RPA3: variants seen among roughly 807,000 people sequenced by gnomAD.
The protein encoded by RPA3 is replication protein A3.
RPA3 carries 24 observed loss-of-function variants against 13.7 expected under a neutral mutation model. The ratio of observed to expected loss-of-function variants is 1.75; its 90% CI spans 1.27 to 2.46. The LOEUF (loss-of-function observed/expected upper bound fraction) is 2.46. RPA3 is among the 30% of genes most tolerant of loss of function. The probability of loss-of-function intolerance (pLI) is 0.00; values close to 1 mark genes in which losing one functional copy is unlikely to be tolerated. For synonymous variants in RPA3, 59 were observed against 51.2 expected (o/e 1.15, Z -0.65); for missense variants, 183 against 151.0 (o/e 1.21, Z -1.11).
chr7:7,674,470 C>T (rs981192803), intron 4 of RPA3, among the ~76,000 whole-genome samples: 1 of 152,178 alleles, frequency 6.6e-6, no homozygotes, highest in Non-Finnish European at 1.5e-5. Context: ...CATGTTCTGG[C>T]AGGCCTGTTG....
chr7:7,651,990 C>A (rs1315106979), intron 4 of RPA3, among the ~76,000 whole-genome samples: 1 of 152,118 alleles, frequency 6.6e-6, no homozygotes, highest in African/African-American at 2.4e-5. Context: ...GCTGTGACTT[C>A]TGAATGGAAG....
chr7:7,689,947 A>G (rs1780135566), intron 2 of RPA3, among the ~76,000 whole-genome samples: 1 of 152,204 alleles, frequency 6.6e-6, no homozygotes, highest in Non-Finnish European at 1.5e-5. Context: ...TTTGCTACTT[A>G]TATATAGGTG....
Position 7,677,696 on chromosome 7 carries a change from C to T in RPA3, c.-758+8134G>A, listed in dbSNP as rs1457488410. 1.9e-4 allele frequency among the ~76,000 whole-genome samples: 20 copies of T among 104,204 alleles called. No homozygotes were observed. The South Asian group carries it at 2.9e-3, about 15-fold the overall frequency. 68.4% of individuals were successfully genotyped at this position (104,204 alleles called of 152,430 possible). On this transcript the variant is annotated intron_variant, in intron 4 of 7. Transcript: ENST00000223129. ...TTTTTTTTTTTTTTTTTTTTTGAGACGGAGTCTCGCTCTGTCGCCCAGGCT... is the reference window on the plus strand; with the variant it reads ...TTTTTTTTTTTTTTTTTTTTTGAGATGGAGTCTCGCTCTGTCGCCCAGGCT...
chr7:7,655,962 A>G (rs1169118068), intron 4 of RPA3, among the ~76,000 whole-genome samples: 2 of 151,912 alleles, frequency 1.3e-5, no homozygotes, highest in African/African-American at 2.4e-5. Flanking sequence ...CAGCCTTCCG[A>G]GTAGCTGGGA....
intron 1 of RPA3, among the ~76,000 whole-genome samples, chr7:7,716,906 G>A (rs1583769646): frequency 6.6e-6 from 1 of 152,038 alleles, no homozygotes; most frequent in Non-Finnish European, 1.5e-5. Flanking sequence ...GGCACACCTG[G>A]TCTGATCAAT....
At chr7:7,709,018 A>G (rs1192440896) in intron 2 of RPA3, among the ~76,000 whole-genome samples, 1 of 152,058 alleles carries the variant, frequency 6.6e-6, no homozygotes, top group Non-Finnish European at 1.5e-5. Flanking sequence ...AGGAGAAGAC[A>G]GAAGAGGAAA....
intron 1 of RPA3, among the ~76,000 whole-genome samples, chr7:7,717,060 C>CTTTTTTTTT (rs766644906): frequency 7.1e-6 from 1 of 141,604 alleles, no homozygotes; most frequent in African/African-American, 2.6e-5. Context: ...TTCTTTTTTT[C>CTTTTTTTTT]TTTTTTTTTT....
chr7:7,684,670 A>G (rs1779996480), intron 4 of RPA3, among the ~76,000 whole-genome samples: 1 of 152,222 alleles, frequency 6.6e-6, no homozygotes, highest in Non-Finnish European at 1.5e-5. Context: ...TTAATTATAC[A>G]ATGTGAATTC....
chr7:7,648,252 C>G (rs987855412), intron 4 of RPA3, among the ~76,000 whole-genome samples: 2 of 152,216 alleles, frequency 1.3e-5, no homozygotes, highest in Non-Finnish European at 2.9e-5. Flanking sequence ...TAGCGTTTGA[C>G]AGATCATGAG....
intron 4 of RPA3, among the ~76,000 whole-genome samples, chr7:7,662,284 TC>T: frequency 6.6e-6 from 1 of 152,270 alleles, no homozygotes; most frequent in South Asian, 2.1e-4. Context: ...ACCACTTGGC[TC>T]CCTGGCTTCA....
chr7:7,674,766 C>T (rs1002539110), intron 4 of RPA3, among the ~76,000 whole-genome samples: 15 of 152,164 alleles, frequency 9.9e-5, no homozygotes, highest in Admixed American at 2.6e-4. Flanking sequence ...TCCTTGAAAG[C>T]TGCCAGTGTT....
chr7:7,707,767 C>T (rs574281802), intron 2 of RPA3, among the ~76,000 whole-genome samples: 1 of 152,244 alleles, frequency 6.6e-6, no homozygotes, highest in South Asian at 2.1e-4. Flanking sequence ...CATTTGTAGT[C>T]CTTTTCTGTT....
At chr7:7,668,867 G>A (rs1779535343) in intron 4 of RPA3, among the ~76,000 whole-genome samples, 1 of 152,120 alleles carries the variant, frequency 6.6e-6, no homozygotes, top group Non-Finnish European at 1.5e-5. Flanking sequence ...GCCTCAGGAG[G>A]AACCAGCTCT....
intron 4 of RPA3, among the ~76,000 whole-genome samples, chr7:7,677,654 C>CTGTTTGTT (rs1779777264): frequency 7.4e-6 from 1 of 136,028 alleles, no homozygotes; most frequent in African/African-American, 2.7e-5. Flanking sequence ...ATCTATTCAT[C>CTGTTTGTT]TGTTTTTTTG....
chr7:7,657,554 A>G (rs1268792631), intron 4 of RPA3, among the ~76,000 whole-genome samples: 1 of 152,160 alleles, frequency 6.6e-6, no homozygotes, highest in Non-Finnish European at 1.5e-5. Context: ...TCCCAACAGC[A>G]TTTATTACAT....
chr7:7,648,284 A>G (rs1785143991), intron 4 of RPA3, among the ~76,000 whole-genome samples: 1 of 151,736 alleles, frequency 6.6e-6, no homozygotes, highest in Admixed American at 6.6e-5. Flanking sequence ...TTCTCTGCTT[A>G]AGTTTTCTCC....
chr7:7,668,304 C>A (rs9692373), intron 4 of RPA3, among the ~76,000 whole-genome samples: 9,570 of 152,142 alleles, frequency 0.063, 356 homozygotes, highest in Middle Eastern at 0.13. Flanking sequence ...ATACAGTAGT[C>A]CCCCTTCTTA....
intron 1 of RPA3, among the ~76,000 whole-genome samples, chr7:7,717,969 GT>G (rs1444691678): frequency 2.7e-4 from 41 of 152,194 alleles, no homozygotes; most frequent in African/African-American, 8.9e-4. Flanking sequence ...TGTAGATTCT[GT>G]TTGTCATAGT....
chr7:7,696,982 G>A (rs1305424378), intron 2 of RPA3, among the ~76,000 whole-genome samples: 1 of 152,102 alleles, frequency 6.6e-6, no homozygotes, highest in East Asian at 1.9e-4. Flanking sequence ...AGCTTAGCAA[G>A]CTCAGTAAAC....
Sources: allele counts gnomAD v4.1 joint callset (sites outside exome capture counted in the v4.1 genomes callset), GRCh38; gene constraint gnomAD v4.1.1; transcripts MANE v1.5; gene names NCBI Gene and HGNC (gene_info 2026-07-23, HGNC 2026-07-21).